The following LRP4 variants were observed in gnomAD, a reference collection of about 807,000 sequenced individuals.
LRP4 encodes the protein LDL receptor related protein 4.
A neutral mutation model predicts 220.3 loss-of-function variants in LRP4; 95 were observed. The observed-to-expected ratio is 0.43, with a 90% CI of 0.37 to 0.51. The LOEUF is 0.51. Ranked by LOEUF, LRP4 falls within the 20% of genes least tolerant of loss-of-function variation. The pLI, the probability that LRP4 is intolerant of heterozygous loss-of-function variation, is 0.00. For synonymous variants in LRP4, 903 were observed against 954.6 expected (o/e 0.95, Z 1.00); for missense variants, 1,925 against 2,567.0 (o/e 0.75, Z 5.40).
chr11:46,894,547 G>T, intron 12 of LRP4, 42 bp downstream of exon 12: 2 of 1,473,392 alleles, frequency 1.4e-6, no homozygotes, highest in Non-Finnish European at 1.9e-6. Flanking sequence ...TGCTGCGCAT[G>T]TGGCATGGCT....
chr11:46,889,523 G>T lies in LRP4; in HGVS notation c.2103C>A (p.Arg701=). The T allele has an allele frequency of 6.2e-7, 1 of 1,613,924 alleles. No homozygotes were observed. Among genetic ancestry groups the T allele is most frequent in the Non-Finnish European group, 8.5e-7 (1 of 1,180,032 alleles). ...TGCAGCCTCCGTTGTTGTCCCCACA[G>T]CGGTTTTTCCCTGCTCAAAGAGCCC... is the stretch of plus-strand genomic sequence containing the variant. ...HPQRQPAGKN[R]CGDNNGGCTH... The change falls in exon 16 of 38, where the codon CGC becomes CGA. Residue 701 remains arginine, a synonymous_variant. Coordinates refer to ENST00000378623, the MANE Select transcript of LRP4 (RefSeq NM_002334.4).
At chr11:46,900,133 G>T in intron 3 of LRP4, 129 bp downstream of exon 3, 2 of 956,704 alleles carry the variant, frequency 2.1e-6, no homozygotes, top group Non-Finnish European at 3.4e-6. Flanking sequence ...ACTTCGAGAG[G>T]AAGTGAAAGG....
intron 20 of LRP4, among the ~76,000 whole-genome samples, chr11:46,879,643 T>C (rs952803972): frequency 1.2e-4 from 19 of 152,172 alleles, no homozygotes; most frequent in African/African-American, 3.6e-4. Flanking sequence ...ACCTTAACCA[T>C]ACAATGGCAG....
intron 28 of LRP4, 60 bp downstream of exon 28, chr11:46,874,740 T>TCA (rs1314168095): frequency 2.0e-6 from 3 of 1,505,276 alleles, no homozygotes; most frequent in Non-Finnish European, 2.8e-6. Context: ...GAACACAACC[T>TCA]CACCCATGGG....
At position 46,873,343 on chromosome 11, in the gene LRP4, C is replaced by A; in HGVS notation, c.4448+32G>T. 1 of 1,613,330 alleles carries A rather than the reference C, an allele frequency of 6.2e-7. No individual in the cohort carries two copies. The highest frequency in any genetic ancestry group is 2.2e-5 in the East Asian group (1 of 44,846). On this transcript the variant is annotated intron_variant, in intron 29 of 37. Transcript: ENST00000378623. This position sits in a 1 kb window ranked among gnomAD's most constrained non-coding sequence, Gnocchi z 4.2. Reference sequence around the variant, plus strand: ...CATCTTTCCACCCAGCCCTTCTTCCCTGGATCTCTCTTCTGCTGGCCATAA... The same window carrying A: ...CATCTTTCCACCCAGCCCTTCTTCCATGGATCTCTCTTCTGCTGGCCATAA...
chr11:46,894,206 T>G (rs1170409680), intron 12 of LRP4, among the ~76,000 whole-genome samples: 1 of 152,278 alleles, frequency 6.6e-6, no homozygotes, highest in Non-Finnish European at 1.5e-5. Context: ...TTTTTAACAA[T>G]CTATAAAACA....
At chr11:46,879,701 G>A (rs1404357218) in intron 20 of LRP4, among the ~76,000 whole-genome samples, 1 of 152,196 alleles carries the variant, frequency 6.6e-6, no homozygotes, top group Non-Finnish European at 1.5e-5. Flanking sequence ...CTACTGATGA[G>A]ACACACTGAG....
intron 12 of LRP4, 43 bp downstream of exon 12, chr11:46,894,546 T>C (rs745801536): frequency 1.4e-6 from 2 of 1,463,262 alleles, no homozygotes; most frequent in East Asian, 2.4e-5. Context: ...TTGCTGCGCA[T>C]GTGGCATGGC....
chr11:46,907,022 G>A (rs1941771065), intron 1 of LRP4, among the ~76,000 whole-genome samples: 1 of 152,156 alleles, frequency 6.6e-6, no homozygotes, highest in African/African-American at 2.4e-5. Context: ...CCTCAGAGGT[G>A]GAATTCTGCC....
At chr11:46,889,691 C>G in intron 15 of LRP4, 158 bp from the exon 16 acceptor site, 1 of 996,692 alleles carries the variant, frequency 1.0e-6, no homozygotes, top group Non-Finnish European at 1.5e-6. Flanking sequence ...AGTGAGTACC[C>G]GGCACAGAGG....
In LRP4 at chr11:46,896,355, G is replaced by C; in HGVS notation, c.923-20C>G. 1 of 1,612,360 alleles carries C rather than the reference G, an allele frequency of 6.2e-7. No homozygotes were observed. Among genetic ancestry groups the C allele is most frequent in the Non-Finnish European group, 8.5e-7 (1 of 1,179,926 alleles). Reference sequence around the variant, plus strand: ...GGCTTCCTAGAGAGATGGAGGGTCAGGTCATAGCAAGGCAGGGCTTGGGCC... The same window carrying C: ...GGCTTCCTAGAGAGATGGAGGGTCACGTCATAGCAAGGCAGGGCTTGGGCC... On this transcript the variant is annotated intron_variant, in intron 8 of 37. Coordinates refer to ENST00000378623, the MANE Select transcript of LRP4 (RefSeq NM_002334.4).
Position 46,913,954 on chromosome 11 carries a change from T to C in LRP4, c.52+4374A>G, listed in dbSNP as rs552585172. ...GAGACAAGCAAAAGACCAGCTGCAA[T>C]GAATGAAGGACCAAGTCTCAATTTT... On this transcript the variant is annotated intron_variant, in intron 1 of 37. Coordinates refer to ENST00000378623, the MANE Select transcript of LRP4 (RefSeq NM_002334.4). 2.0e-5 allele frequency among the ~76,000 whole-genome samples: 3 copies of C among 152,126 alleles called. No individual in the cohort carries two copies. In the South Asian group the frequency reaches 6.2e-4, roughly 32 times the overall value.
chr11:46,918,435 CGGA>C lies in LRP4; in HGVS notation c.-59_-57del. On this transcript the variant is annotated 5_prime_UTR_variant, in exon 1 of 38. Transcript: ENST00000378623. This position sits in a 1 kb window ranked among gnomAD's most constrained non-coding sequence, Gnocchi z 6.0. ...CGCCGGCTCCCGCCGGACGGCGCGGCGGAGAAGCCCGCGGAGGGTCCCCGAGGG... is the reference window on the plus strand; with the variant it reads ...CGCCGGCTCCCGCCGGACGGCGCGGCGAAGCCCGCGGAGGGTCCCCGAGGG... The C allele has an allele frequency of 3.1e-6, 4 of 1,273,788 alleles. No individual in the cohort carries two copies. The highest frequency in any genetic ancestry group is 6.8e-5 in the East Asian group (2 of 29,316). 78.9% of individuals were successfully genotyped at this position (1,273,788 alleles called of 1,614,324 possible). A position where few individuals can be genotyped will look rare whatever the true frequency, so the allele number is the denominator to read the frequency against.
chr11:46,871,543 G>T lies in LRP4; in HGVS notation c.4674C>A (p.His1558Gln). 1 of 1,612,590 alleles carries T rather than the reference G, an allele frequency of 6.2e-7. No homozygotes were observed. Among genetic ancestry groups the T allele is most frequent in the East Asian group, 2.2e-5 (1 of 44,852 alleles). Residue 1558 changes from histidine (H) to glutamine (Q), a missense_variant, in exon 31 of 38, where the codon CAC becomes CAA. By Grantham distance (24) the His-to-Gln change is conservative (BLOSUM62 0). Coordinates refer to ENST00000378623, the MANE Select transcript of LRP4 (RefSeq NM_002334.4). Reference protein sequence around the residue: ...LRQVLVSHVSHPFALTQQDRW... With the variant: ...LRQVLVSHVSQPFALTQQDRW... ...CCAGTACCTGTGTGAGGGCAAAGGG[G>T]TGGGACACATGGCTGACCAAGACCT...
In LRP4 at chr11:46,890,056, G is replaced by C. The variant is rs551132576; in HGVS notation, c.1980C>G (p.Thr660=). Residue 660 remains threonine (T), a synonymous_variant, in exon 15 of 38, where the codon ACC becomes ACG. Coordinates refer to ENST00000378623, the MANE Select transcript of LRP4 (RefSeq NM_002334.4). The surrounding 1 kb of genome is among the most constrained non-coding windows in gnomAD (Gnocchi z 5.3). ...EDSLYWTDWH[T]KSINSANKFT... ...ATTTGTTAGCGCTATTGATGCTCTT[G>C]GTGTGCCAGTCTGTCCAGTACAGGC... 1 of 1,614,148 alleles carries C rather than the reference G, an allele frequency of 6.2e-7. No individual in the cohort carries two copies. Among genetic ancestry groups the C allele is most frequent in the Non-Finnish European group, 8.5e-7 (1 of 1,180,016 alleles).
intron 7 of LRP4, among the ~76,000 whole-genome samples, chr11:46,897,334 C>CTTTTTTTTTTT (rs60604776): frequency 7.8e-6 from 1 of 128,080 alleles, no homozygotes; most frequent in Non-Finnish European, 1.6e-5. Flanking sequence ...GCCTGTTTGT[C>CTTTTTTTTTTT]TTTTTTTTTT....
Position 46,918,368 on chromosome 11 carries a change from C to A in LRP4, c.12G>T (p.Gln4His). Residue 4 changes from glutamine (Q) to histidine (H), a missense_variant, in exon 1 of 38, where the codon CAG becomes CAT. Gln to His is a conservative substitution (Grantham distance 24). Transcript: ENST00000378623. The surrounding 1 kb of genome is among the most constrained non-coding windows in gnomAD (Gnocchi z 6.0). Reference sequence around the variant, plus strand: ...GGGCGCCAAGCAGCAGCGCGCCCCACTGCCGCCTCATGGTGCCGCCCGCGC... The same window carrying A: ...GGGCGCCAAGCAGCAGCGCGCCCCAATGCCGCCTCATGGTGCCGCCCGCGC... MRRQWGALLLGALL... is the reference protein window; with the variant it reads MRRHWGALLLGALL... 1 of 1,472,026 alleles carries A rather than the reference C, an allele frequency of 6.8e-7. No homozygotes were observed. The highest frequency in any genetic ancestry group is 2.3e-5 in the Admixed American group (1 of 43,530). 91.2% of individuals were successfully genotyped at this position (1,472,026 alleles called of 1,614,324 possible).
intron 12 of LRP4, 133 bp from the exon 13 acceptor site, chr11:46,893,262 T>C: frequency 3.6e-6 from 3 of 833,536 alleles, no homozygotes; most frequent in South Asian, 2.9e-5. Flanking sequence ...GATACATGAA[T>C]TCATTTAAGC....
chr11:46,893,110 C>A lies in LRP4; in HGVS notation c.1560G>T (p.Trp520Cys). ...CGGTCCAGTAGAGTTTGTCATGGAC[C>A]CAATCCACAGCCAGGCCCCCTGGTG... ...LESPGGLAVD[W>C]VHDKLYWTDS... The change falls in exon 13 of 38, where the codon TGG becomes TGT. Residue 520 changes from tryptophan to cysteine, a missense_variant. Physicochemically the swap from Trp to Cys is radical, Grantham distance 215. This residue lies in a region of LRP4 where 269 missense variants were observed against 436.7 expected (regional missense o/e 0.62). Coordinates refer to ENST00000378623, the MANE Select transcript of LRP4 (RefSeq NM_002334.4). 1.2e-6 allele frequency: 2 copies of A among 1,614,140 alleles called. No individual in the cohort carries two copies. Among genetic ancestry groups the A allele is most frequent in the Non-Finnish European group, 1.7e-6 (2 of 1,180,022 alleles).
Sources: gnomAD v4.1 joint callset for allele counts (sites outside exome capture counted in the v4.1 genomes callset) on GRCh38, gnomAD v4.1.1 for gene constraint, gnomAD v4.1.1 regional missense constraint, Gnocchi (gnomAD v3.1) non-coding constraint, MANE v1.5 for transcripts, NCBI Gene and HGNC (gene_info 2026-07-23, HGNC 2026-07-21) for gene names.